Variants in CDCP1 observed in about 807,000 individuals in gnomAD.
The protein encoded by CDCP1 is CUB domain-containing protein 1.
In CDCP1, 29 loss-of-function variants were observed where a neutral mutation model predicts 60.2. That is an observed-to-expected ratio of 0.48 (90% CI 0.36 to 0.66). CDCP1 has a LOEUF of 0.66. Among genes scored for constraint, CDCP1 ranks in the 30% least tolerant of loss-of-function variants. The pLI is 0.00. For missense variants in CDCP1, 876 were observed against 1,074.3 expected, an observed-to-expected ratio of 0.82 and a Z score of 2.58; for synonymous variants, 387 against 431.1, an observed-to-expected ratio of 0.90 and a Z score of 1.27.
chr3:45,086,609 A>C (rs1004903053), intron 8 of CDCP1, among the ~76,000 whole-genome samples: 4 of 152,234 alleles, frequency 2.6e-5, no homozygotes, highest in African/African-American at 9.6e-5. Context: ...TTTCAGTATG[A>C]GCTGGGGAGA....
intron 4 of CDCP1, among the ~76,000 whole-genome samples, chr3:45,107,365 C>T (rs1226038885): frequency 6.6e-6 from 1 of 152,046 alleles, no homozygotes; most frequent in Non-Finnish European, 1.5e-5. Context: ...TGCCACCACG[C>T]CCGGCTAATT....
At position 45,085,578 on chromosome 3, in the gene CDCP1, G is replaced by A. The variant is rs1160032212; in HGVS notation, c.*60C>T. The A allele has an allele frequency of 1.1e-5, 16 of 1,499,200 alleles. No individual in the cohort carries two copies. The highest frequency in any genetic ancestry group is 2.3e-5 in the East Asian group (1 of 43,976). The allele number at this position is 1,499,200 out of a possible 1,614,324, so 92.9% of individuals were successfully genotyped here. A position where few individuals can be genotyped will look rare whatever the true frequency, so the allele number is the denominator to read the frequency against. ...CTTTAGGATTTCTGGTTAGGAACACGGACGGGTGTCTCAGTGCCCTGCTTT... is the reference window on the plus strand; with the variant it reads ...CTTTAGGATTTCTGGTTAGGAACACAGACGGGTGTCTCAGTGCCCTGCTTT... On this transcript the variant is annotated 3_prime_UTR_variant, in exon 9 of 9. Transcript: ENST00000296129. This position sits in a 1 kb window ranked among gnomAD's most constrained non-coding sequence, Gnocchi z 4.2.
intron 4 of CDCP1, among the ~76,000 whole-genome samples, chr3:45,104,346 T>C (rs1698527830): frequency 6.6e-6 from 1 of 152,224 alleles, no homozygotes; most frequent in Non-Finnish European, 1.5e-5. Flanking sequence ...CTTCTTTTGG[T>C]TGGATCTCAA....
Position 45,085,807 on chromosome 3 carries a change from G to C in CDCP1, c.2342C>G (p.Ser781Cys). 1 of 1,614,166 alleles carries C rather than the reference G, an allele frequency of 6.2e-7. No homozygotes were observed. Among genetic ancestry groups the C allele is most frequent in the Middle Eastern group, 1.7e-4 (1 of 6,056 alleles). The change falls in exon 9 of 9, where the codon TCC becomes TGC. Residue 781 changes from serine (S) to cysteine (C), a missense_variant. Around this residue, in one of 2 missense-constraint regions of CDCP1, gnomAD observed 726 missense variants for 935.7 expected, o/e 0.78. Coordinates refer to ENST00000296129, the MANE Select transcript of CDCP1 (RefSeq NM_022842.5). This position sits in a 1 kb window ranked among gnomAD's most constrained non-coding sequence, Gnocchi z 4.2. ...VCPPSPPTIC[S>C]RAPTAKLATE... Reference sequence around the variant, plus strand: ...GGCCAACTTTGCAGTTGGGGCCCTGGAGCATATGGTGGGTGGGGAGGGAGG... The same window carrying C: ...GGCCAACTTTGCAGTTGGGGCCCTGCAGCATATGGTGGGTGGGGAGGGAGG...
At chr3:45,102,829 A>C (rs975494212) in intron 4 of CDCP1, among the ~76,000 whole-genome samples, 13 of 151,712 alleles carry the variant, frequency 8.6e-5, no homozygotes, top group Non-Finnish European at 1.9e-4. Flanking sequence ...CACCACACCC[A>C]GCTATTTTTT....
intron 4 of CDCP1, among the ~76,000 whole-genome samples, chr3:45,103,614 G>A (rs1485552933): frequency 5.3e-5 from 8 of 152,190 alleles, no homozygotes; most frequent in African/African-American, 1.9e-4. Context: ...TTTAAGAGGT[G>A]ATTAGGTTGT....
In CDCP1 at chr3:45,091,350, T is replaced by A. The variant is rs542306283; in HGVS notation, c.1816A>T (p.Met606Leu). The change falls in exon 7 of 9, where the codon ATG (methionine) becomes TTG (leucine). Residue 606 changes from methionine (M) to leucine (L), a missense_variant. By Grantham distance (15) the Met-to-Leu change is conservative (BLOSUM62 2). Around this residue, in one of 2 missense-constraint regions of CDCP1, gnomAD observed 726 missense variants for 935.7 expected, o/e 0.78. Transcript: ENST00000296129. This position sits in a 1 kb window ranked among gnomAD's most constrained non-coding sequence, Gnocchi z 4.8. Reference protein sequence around the residue: ...GVVCQTGRAFMIIQEQRTRAE... With the variant: ...GVVCQTGRAFLIIQEQRTRAE... ...CGGGTCCGCTGCTCCTGGATGATCA[T>A]GAATGCGCGCCCTGTCTGGCAGACC... 1.9e-6 allele frequency: 3 copies of A among 1,614,158 alleles called. No individual in the cohort carries two copies. The highest frequency in any genetic ancestry group is 2.5e-6 in the Non-Finnish European group (3 of 1,180,030).
chr3:45,126,132 TTCTTTC>T (rs1207670546), intron 1 of CDCP1, among the ~76,000 whole-genome samples: 2 of 136,050 alleles, frequency 1.5e-5, no homozygotes. Context: ...CTTTCTTTCT[TTCTTTC>T]TTTCTTTCTT....
At chr3:45,142,529 G>A (rs1355989503) in intron 1 of CDCP1, among the ~76,000 whole-genome samples, 3 of 152,320 alleles carry the variant, frequency 2.0e-5, no homozygotes, top group South Asian at 2.1e-4. Flanking sequence ...TGAAACAACA[G>A]TGAGGAGAGC....
chr3:45,125,206 C>A (rs1428531611), intron 1 of CDCP1, among the ~76,000 whole-genome samples: 1 of 152,136 alleles, frequency 6.6e-6, no homozygotes, highest in Non-Finnish European at 1.5e-5. Context: ...TTCCTTGGAG[C>A]CACTCTGGGG....
chr3:45,095,718 A>T (rs1698387074), intron 4 of CDCP1, 150 bp from the exon 5 acceptor site: 1 of 627,664 alleles, frequency 1.6e-6, no homozygotes, highest in South Asian at 2.0e-5. Flanking sequence ...TTAAGGCAAC[A>T]TTACAATAAC....
At position 45,103,267 on chromosome 3, in the gene CDCP1, T is replaced by A. The variant is rs535398417; in HGVS notation, c.1024+7206A>T. Among the ~76,000 whole-genome samples, 103 of 152,186 alleles carry A rather than the reference T, an allele frequency of 6.8e-4. 1 individual carries two copies. Among genetic ancestry groups the A allele is most frequent in the Non-Finnish European group, 1.3e-3 (90 of 68,028 alleles). On this transcript the variant is annotated intron_variant, in intron 4 of 8. Transcript: ENST00000296129. The stretch of plus-strand genomic sequence containing the variant: ...TTTTGTCTCTGGCTTTTTTTCTCTC[T>A]GCAGAATGATGTTTTTAGGGCTCAT...
At chr3:45,126,166 CTTTCT>C (rs1698991202) in intron 1 of CDCP1, among the ~76,000 whole-genome samples, 2 of 144,410 alleles carry the variant, frequency 1.4e-5, no homozygotes, top group South Asian at 4.5e-4. Flanking sequence ...TTCTTTCTTT[CTTTCT>C]TTCCTTCTTT....
chr3:45,145,158 G>A (rs377214167), intron 1 of CDCP1, among the ~76,000 whole-genome samples: 11 of 152,130 alleles, frequency 7.2e-5, no homozygotes, highest in African/African-American at 2.7e-4. Flanking sequence ...TTGTAAAGAC[G>A]GCAGTCACCG....
At chr3:45,135,908 C>A (rs73829940) in intron 1 of CDCP1, among the ~76,000 whole-genome samples, 1 of 152,282 alleles carries the variant, frequency 6.6e-6, no homozygotes, top group African/African-American at 2.4e-5. Context: ...AGGGTGCAAG[C>A]TCTATCAAAT....
At chr3:45,121,186 C>T (rs1698877242) in intron 1 of CDCP1, among the ~76,000 whole-genome samples, 1 of 152,198 alleles carries the variant, frequency 6.6e-6, no homozygotes, top group African/African-American at 2.4e-5. Context: ...GAACAAGGGA[C>T]TATGCATCTT....
chr3:45,113,086 T>A (rs1440143553), intron 2 of CDCP1, among the ~76,000 whole-genome samples: 1 of 152,192 alleles, frequency 6.6e-6, no homozygotes, highest in Non-Finnish European at 1.5e-5. Flanking sequence ...TGCTTTGGGA[T>A]CTCCTACTTC....
chr3:45,123,929 T>G (rs977481500), intron 1 of CDCP1, among the ~76,000 whole-genome samples: 1 of 152,198 alleles, frequency 6.6e-6, no homozygotes, highest in Admixed American at 6.5e-5. Context: ...CATGGGCTCC[T>G]GGGCTTAGGG....
intron 8 of CDCP1, among the ~76,000 whole-genome samples, chr3:45,087,987 A>C (rs953456476): frequency 6.6e-5 from 10 of 150,868 alleles, no homozygotes; most frequent in Non-Finnish European, 1.3e-4. Context: ...GCGCCACTGC[A>C]CTCCAGCCTG....
Sources: gnomAD v4.1 joint callset for allele counts (sites outside exome capture counted in the v4.1 genomes callset) on GRCh38, gnomAD v4.1.1 for gene constraint, gnomAD v4.1.1 regional missense constraint, Gnocchi (gnomAD v3.1) non-coding constraint, MANE v1.5 for transcripts, NCBI Gene and HGNC (gene_info 2026-07-23, HGNC 2026-07-21) for gene names.